The following BACH2 variants were observed in gnomAD, a reference collection of about 807,000 sequenced individuals.
BACH2 encodes the protein transcription regulator protein BACH2.
In BACH2, 5 loss-of-function variants were observed where a neutral mutation model predicts 61.8. The ratio of observed to expected loss-of-function variants is 0.08; its 90% CI spans 0.04 to 0.17. The LOEUF (loss-of-function observed/expected upper bound fraction) is 0.17. Among genes scored for constraint, BACH2 ranks in the 10% least tolerant of loss-of-function variants. The probability of loss-of-function intolerance (pLI) is 1.00; values close to 1 mark genes in which losing one functional copy is unlikely to be tolerated. For missense variants in BACH2, 824 were observed against 1,091.1 expected, an observed-to-expected ratio of 0.76 and a Z score of 3.45; for synonymous variants, 446 against 440.1, an observed-to-expected ratio of 1.01 and a Z score of -0.17.
At chr6:90,087,827 C>A (rs114427004) in intron 5 of BACH2, among the ~76,000 whole-genome samples, 2 of 151,854 alleles carry the variant, frequency 1.3e-5, no homozygotes, top group East Asian at 3.9e-4. Flanking sequence ...GAAATGAGCA[C>A]GTCATGGAGA....
Position 89,931,142 on chromosome 6 carries a change from T to C in BACH2, c.*1266A>G, listed in dbSNP as rs1487258058. On this transcript the variant is annotated 3_prime_UTR_variant, in exon 9 of 9. Transcript: ENST00000257749. ...TGGGACTTACTCCCTGGGTGAAAAC[T>C]TTCTAACTTGATTTCTAGGAGCCAA... The C allele has an allele frequency of 6.6e-6, 1 of 152,350 alleles. No individual in the cohort carries two copies. Among genetic ancestry groups the C allele is most frequent in the Non-Finnish European group, 1.5e-5 (1 of 68,050 alleles). 9.4% of individuals were successfully genotyped at this position (152,350 alleles called of 1,614,324 possible). A position where few individuals can be genotyped will look rare whatever the true frequency, so the allele number is the denominator to read the frequency against.
intron 3 of BACH2, among the ~76,000 whole-genome samples, chr6:90,210,950 A>G (rs941880281): frequency 6.6e-6 from 1 of 151,952 alleles, no homozygotes; most frequent in East Asian, 1.9e-4. Context: ...ACTTGAAGTC[A>G]GGAGTACCAG....
At chr6:90,067,798 A>G (rs913275663) in intron 5 of BACH2, among the ~76,000 whole-genome samples, 5 of 152,170 alleles carry the variant, frequency 3.3e-5, no homozygotes, top group African/African-American at 1.2e-4. Context: ...GAGTGTCACC[A>G]AACACACACG....
chr6:90,115,497 T>C (rs567088336), intron 4 of BACH2, among the ~76,000 whole-genome samples: 2 of 152,260 alleles, frequency 1.3e-5, no homozygotes, highest in African/African-American at 4.8e-5. Context: ...ACCCCTTTTT[T>C]ACACCACGTA....
intron 6 of BACH2, among the ~76,000 whole-genome samples, chr6:89,980,022 G>A (rs1289194988): frequency 1.3e-5 from 2 of 152,190 alleles, no homozygotes; most frequent in African/African-American, 4.8e-5. Context: ...GCCAGGCGTG[G>A]TGGCTCACAC....
At chr6:90,204,969 GT>G (rs1265710404) in intron 4 of BACH2, among the ~76,000 whole-genome samples, 1 of 152,116 alleles carries the variant, frequency 6.6e-6, no homozygotes, top group Non-Finnish European at 1.5e-5. Context: ...ACAATTGCTT[GT>G]TTTTTTGCTG....
At chr6:90,023,779 C>T (rs1778500615) in intron 5 of BACH2, among the ~76,000 whole-genome samples, 1 of 152,122 alleles carries the variant, frequency 6.6e-6, no homozygotes, top group Non-Finnish European at 1.5e-5. Flanking sequence ...CATGTGAGGA[C>T]ACAAGAAGAT....
chr6:90,215,880 C>T (rs1769518588), intron 3 of BACH2, among the ~76,000 whole-genome samples: 1 of 152,166 alleles, frequency 6.6e-6, no homozygotes, highest in Non-Finnish European at 1.5e-5. Context: ...GCAGTTACCC[C>T]AAGGAAACAG....
intron 4 of BACH2, 53 bp from the exon 5 acceptor site, chr6:90,089,162 G>A (rs1431194344): frequency 1.3e-5 from 2 of 152,210 alleles, no homozygotes; most frequent in Middle Eastern, 3.4e-3. Context: ...GCATGTGAAT[G>A]TTTCCCCCTC....
chr6:90,135,050 G>A (rs2127824723), intron 4 of BACH2, among the ~76,000 whole-genome samples: 1 of 152,204 alleles, frequency 6.6e-6, no homozygotes. Context: ...TTTTTCTCCT[G>A]CCCCAATGGA....
At chr6:90,024,141 CTA>C (rs56100309) in intron 5 of BACH2, among the ~76,000 whole-genome samples, 45,617 of 150,462 alleles carry the variant, frequency 0.3, 8,328 homozygotes, top group African/African-American at 0.51. Context: ...TCTACATCTA[CTA>C]TATATATATA....
intron 6 of BACH2, among the ~76,000 whole-genome samples, chr6:89,983,625 C>G (rs192357719): frequency 6.6e-6 from 1 of 152,178 alleles, no homozygotes; most frequent in Non-Finnish European, 1.5e-5. Flanking sequence ...GCCGAGATCA[C>G]GCCATTGCAC....
rs781198568 is a variant in BACH2, at chr6:89,950,612, G to C, written c.1494C>G (p.Thr498=). Residue 498 remains threonine, a synonymous_variant, in exon 7 of 9, where the codon ACC becomes ACG. Coordinates refer to ENST00000257749, the MANE Select transcript of BACH2 (RefSeq NM_021813.4). The surrounding 1 kb of genome is among the most constrained non-coding windows in gnomAD (Gnocchi z 5.3). Reference sequence around the variant, plus strand: ...AGACTTTGATTGGTACCGGGCAGCTGGTGTTGGGCCGCATCCTTCCTGGCA... The same window carrying C: ...AGACTTTGATTGGTACCGGGCAGCTCGTGTTGGGCCGCATCCTTCCTGGCA... ...DHLPGRMRPN[T]SCPVPIKVCP... The C allele has an allele frequency of 6.2e-7, 1 of 1,613,854 alleles. No individual in the cohort carries two copies. The highest frequency in any genetic ancestry group is 8.5e-7 in the Non-Finnish European group (1 of 1,179,876).
intron 3 of BACH2, among the ~76,000 whole-genome samples, chr6:90,238,606 T>C (rs957947276): frequency 4.6e-5 from 7 of 152,182 alleles, no homozygotes; most frequent in Admixed American, 2.0e-4. Flanking sequence ...GGTGAAGGCA[T>C]AAAACAGGCT....
chr6:90,057,759 C>CA (rs1350870503), intron 5 of BACH2, among the ~76,000 whole-genome samples: 1 of 152,182 alleles, frequency 6.6e-6, no homozygotes, highest in East Asian at 1.9e-4. Context: ...AGCAGCACAT[C>CA]AAAAAGCTTA....
chr6:90,189,516 G>C (rs959792346), intron 4 of BACH2, among the ~76,000 whole-genome samples: 4 of 151,152 alleles, frequency 2.6e-5, no homozygotes, highest in African/African-American at 9.8e-5. Flanking sequence ...GCTGAGGCAG[G>C]AGAATGGCGT....
At chr6:90,010,078 T>C (rs537073443) in intron 5 of BACH2, among the ~76,000 whole-genome samples, 2 of 152,262 alleles carry the variant, frequency 1.3e-5, no homozygotes, top group South Asian at 2.1e-4. Flanking sequence ...ACTTTCTTTT[T>C]GGCTTTCTTA....
At chr6:89,945,104 C>T (rs931990215) in intron 7 of BACH2, among the ~76,000 whole-genome samples, 4 of 152,188 alleles carry the variant, frequency 2.6e-5, no homozygotes, top group South Asian at 2.1e-4. Context: ...ACTTTGGAAA[C>T]AGTCTAGTAG....
intron 1 of BACH2, among the ~76,000 whole-genome samples, chr6:90,288,551 G>A (rs111381668): frequency 2.4e-4 from 37 of 152,210 alleles, no homozygotes; most frequent in African/African-American, 8.4e-4. Context: ...AGCTGAGTCA[G>A]CATTCTAAAC....
Sources: gnomAD v4.1 joint callset for allele counts (sites outside exome capture counted in the v4.1 genomes callset) on GRCh38, gnomAD v4.1.1 for gene constraint, Gnocchi (gnomAD v3.1) non-coding constraint, MANE v1.5 for transcripts, NCBI Gene and HGNC (gene_info 2026-07-23, HGNC 2026-07-21) for gene names.